Variants in CSMD1 observed in about 807,000 individuals in gnomAD.
The protein encoded by CSMD1 is CUB and sushi domain-containing protein 1.
A neutral mutation model predicts 417.5 loss-of-function variants in CSMD1; 213 were observed. The observed-to-expected ratio is 0.51, with a 90% CI of 0.46 to 0.57. CSMD1 has a LOEUF of 0.57. Among genes scored for constraint, CSMD1 ranks in the 20% least tolerant of loss-of-function variants. The pLI is 0.00. For synonymous variants in CSMD1, 2,862 were observed against 1,736.8 expected, an observed-to-expected ratio of 1.65 and a Z score of -16.11; for missense variants, 6,923 against 4,529.7, an observed-to-expected ratio of 1.53 and a Z score of -15.17.
intron 6 of CSMD1, among the ~76,000 whole-genome samples, chr8:3,722,130 G>C (rs144601772): frequency 2.0e-3 from 303 of 152,180 alleles, no homozygotes; most frequent in African/African-American, 7.0e-3. Context: ...ATCACTTGAG[G>C]TCAGGAATTT....
intron 26 of CSMD1, among the ~76,000 whole-genome samples, chr8:3,252,850 A>G (rs966117174): frequency 3.3e-5 from 5 of 152,132 alleles, no homozygotes; most frequent in Admixed American, 6.5e-5. Context: ...TTATTTGCAT[A>G]GAGGTGTTTA....
intron 2 of CSMD1, among the ~76,000 whole-genome samples, chr8:4,621,021 C>CA (rs902209878): frequency 6.6e-6 from 1 of 151,870 alleles, no homozygotes; most frequent in African/African-American, 2.4e-5. Flanking sequence ...TCAGCAATAT[C>CA]AAAAATGAAA....
intron 5 of CSMD1, among the ~76,000 whole-genome samples, chr8:3,880,607 G>T (rs1306379965): frequency 6.6e-6 from 1 of 152,012 alleles, no homozygotes; most frequent in African/African-American, 2.4e-5. Context: ...TATATTTTTG[G>T]ATTCTCCATT....
chr8:4,333,494 G>GAAA (rs1439979915), intron 3 of CSMD1, among the ~76,000 whole-genome samples: 5 of 152,134 alleles, frequency 3.3e-5, no homozygotes, highest in Admixed American at 3.3e-4. Context: ...GTATGATTAT[G>GAAA]TGTACAGCAC....
chr8:3,829,563 C>T (rs554014309), intron 5 of CSMD1, among the ~76,000 whole-genome samples: 1 of 152,208 alleles, frequency 6.6e-6, no homozygotes, highest in East Asian at 1.9e-4. Context: ...TACTCTTTTC[C>T]CTGCTGTAAC....
chr8:4,890,900 C>G (rs1360346641), intron 1 of CSMD1, among the ~76,000 whole-genome samples: 1 of 152,016 alleles, frequency 6.6e-6, no homozygotes, highest in Non-Finnish European at 1.5e-5. Context: ...CTAGAGCTCA[C>G]AAGGAGGGAG....
At chr8:4,729,572 T>A (rs928322119) in intron 1 of CSMD1, among the ~76,000 whole-genome samples, 1 of 152,158 alleles carries the variant, frequency 6.6e-6, no homozygotes, top group African/African-American at 2.4e-5. Flanking sequence ...AATTTCGATA[T>A]TGCTAGAGAA....
chr8:4,064,338 C>T (rs989200626), intron 3 of CSMD1, among the ~76,000 whole-genome samples: 2 of 152,172 alleles, frequency 1.3e-5, no homozygotes, highest in African/African-American at 4.8e-5. Flanking sequence ...TAGTCACCTG[C>T]TCTCTTTCAC....
At chr8:4,973,607 T>C (rs1028047008) in intron 1 of CSMD1, among the ~76,000 whole-genome samples, 4 of 152,212 alleles carry the variant, frequency 2.6e-5, no homozygotes, top group Non-Finnish European at 5.9e-5. Context: ...AAGTGTTCTC[T>C]AATTTCGTAT....
At chr8:3,369,860 C>G (rs1215902944) in intron 18 of CSMD1, among the ~76,000 whole-genome samples, 2 of 152,232 alleles carry the variant, frequency 1.3e-5, no homozygotes, top group African/African-American at 2.4e-5. Context: ...GTGCTCAACT[C>G]TGATGTTAGA....
At chr8:4,425,693 T>G (rs76048905) in intron 2 of CSMD1, among the ~76,000 whole-genome samples, 1 of 152,140 alleles carries the variant, frequency 6.6e-6, no homozygotes, top group Non-Finnish European at 1.5e-5. Context: ...GCAACTGGCT[T>G]ATTTTCAACA....
At chr8:3,776,486 C>CAA (rs1405071638) in intron 5 of CSMD1, among the ~76,000 whole-genome samples, 4 of 152,210 alleles carry the variant, frequency 2.6e-5, no homozygotes, top group Admixed American at 2.0e-4. Context: ...GCCACACACA[C>CAA]ATTTCCTGCT....
At chr8:4,440,647 T>G (rs2129679181) in intron 2 of CSMD1, among the ~76,000 whole-genome samples, 1 of 152,334 alleles carries the variant, frequency 6.6e-6, no homozygotes, top group African/African-American at 2.4e-5. Flanking sequence ...AAAAATTGAT[T>G]GCATACATTT....
At chr8:3,998,468 G>C (rs1222552689) in intron 4 of CSMD1, among the ~76,000 whole-genome samples, 5 of 152,158 alleles carry the variant, frequency 3.3e-5, no homozygotes, top group African/African-American at 1.2e-4. Context: ...GCAACATTTT[G>C]AGACTTAAAA....
At chr8:4,898,503 C>G (rs547599730) in intron 1 of CSMD1, among the ~76,000 whole-genome samples, 3 of 152,170 alleles carry the variant, frequency 2.0e-5, no homozygotes, top group Admixed American at 1.3e-4. Flanking sequence ...TGCTCACTCC[C>G]ATTACAGAAG....
intron 2 of CSMD1, among the ~76,000 whole-genome samples, chr8:4,590,918 T>A (rs960808218): frequency 1.3e-5 from 2 of 152,222 alleles, no homozygotes; most frequent in African/African-American, 2.4e-5. Context: ...AACAATGCTC[T>A]CAGGCCTTCT....
At chr8:4,344,061 G>A (rs181020688) in intron 3 of CSMD1, among the ~76,000 whole-genome samples, 44 of 152,218 alleles carry the variant, frequency 2.9e-4, no homozygotes, top group Middle Eastern at 3.4e-3. Context: ...GTGCGTGTGC[G>A]CACACACATA....
At position 3,188,307 on chromosome 8, in the gene CSMD1, T is replaced by TTC. The variant is rs1554457659; in HGVS notation, c.5524-343_5524-342insGA. On this transcript the variant is annotated intron_variant, in intron 35 of 69. Coordinates refer to ENST00000635120, the MANE Select transcript of CSMD1 (RefSeq NM_033225.6). The stretch of plus-strand genomic sequence containing the variant: ...ATTTTTCTTTTTCTTTTCCTTTCTT[T>TTC]TTTTTTTTTTTTTTTTTGAGATGGA... 7.7e-5 allele frequency among the ~76,000 whole-genome samples: 10 copies of TTC among 130,622 alleles called. No homozygotes were observed. In the East Asian group the frequency reaches 1.7e-3, roughly 23 times the overall value. The allele number at this position is 130,622 out of a possible 152,430, so 85.7% of individuals were successfully genotyped here.
intron 18 of CSMD1, among the ~76,000 whole-genome samples, chr8:3,385,259 G>A (rs1259571899): frequency 6.7e-6 from 1 of 148,528 alleles, no homozygotes; most frequent in African/African-American, 2.5e-5. Context: ...ATGTATACAT[G>A]TGTATGTATG....
Sources: allele counts gnomAD v4.1 joint callset (sites outside exome capture counted in the v4.1 genomes callset), GRCh38; gene constraint gnomAD v4.1.1; transcripts MANE v1.5; gene names NCBI Gene and HGNC (gene_info 2026-07-23, HGNC 2026-07-21).